Variants in LPA observed in about 807,000 individuals in gnomAD.
LPA encodes lipoprotein(a), also known as apolipoprotein(a).
In LPA, 199 loss-of-function variants were observed where a neutral mutation model predicts 197.9. That is an observed-to-expected ratio of 1.01 (90% confidence interval 0.90 to 1.13). LPA has a LOEUF of 1.13. Ranked by LOEUF, LPA falls within the 50% of genes most tolerant of loss-of-function variation. The probability of loss-of-function intolerance (pLI) is 0.00; values close to 1 mark genes in which losing one functional copy is unlikely to be tolerated. For synonymous variants in LPA, 715 were observed against 639.5 expected, an observed-to-expected ratio of 1.12 and a Z score of -1.78; for missense variants, 1,853 against 1,785.8, an observed-to-expected ratio of 1.04 and a Z score of -0.68.
At chr6:160,661,461 T>C (rs114573027) in intron 1 of LPA, among the ~76,000 whole-genome samples, 1 of 152,122 alleles carries the variant, frequency 6.6e-6, no homozygotes, top group African/African-American at 2.4e-5. Context: ...GAAAGGCAGA[T>C]GAACAGATTC....
At chr6:160,534,103 A>G (rs1034562737) in intron 37 of LPA, among the ~76,000 whole-genome samples, 2 of 143,566 alleles carry the variant, frequency 1.4e-5, no homozygotes, top group Non-Finnish European at 2.9e-5. Context: ...GAAAACTGAC[A>G]CCGAATCTGG....
At chr6:160,596,556 G>A (rs1453871396) in intron 20 of LPA, among the ~76,000 whole-genome samples, 2 of 152,012 alleles carry the variant, frequency 1.3e-5, no homozygotes, top group Non-Finnish European at 2.9e-5. Context: ...AACACACAAA[G>A]TCAACAATTG....
At position 160,656,555 on chromosome 6, in the gene LPA, G is replaced by A. The variant is rs114660152; in HGVS notation, c.50-6058C>T. ...ACCACAATAACGTTTTGGGTACCCT[G>A]GAATCAACGTCAGCTCAGAGCCAGT... On this transcript the variant is annotated intron_variant, in intron 1 of 38. Transcript: ENST00000316300. Among the ~76,000 whole-genome samples, 1,291 of 152,278 alleles carry A rather than the reference G, an allele frequency of 8.5e-3. 17 individuals are homozygous for A. Among genetic ancestry groups the A allele is most frequent in the African/African-American group, 0.03 (1,243 of 41,558 alleles).
At chr6:160,604,556 G>A (rs1287349554) in intron 18 of LPA, among the ~76,000 whole-genome samples, 1 of 151,950 alleles carries the variant, frequency 6.6e-6, no homozygotes, top group African/African-American at 2.4e-5. Context: ...GACCACTGGT[G>A]GTCAGAACCG....
chr6:160,597,988 G>T (rs542494593), intron 20 of LPA, among the ~76,000 whole-genome samples: 111 of 152,298 alleles, frequency 7.3e-4, no homozygotes, highest in South Asian at 8.3e-4. Context: ...TTGCTTTTCA[G>T]CTTTGCTAGG....
rs188718546 is a variant in LPA, at chr6:160,608,688, G to A, written c.2604-2030C>T. Among the ~76,000 whole-genome samples the A allele has an allele frequency of 7.2e-5, 11 of 152,056 alleles. No homozygotes were observed. In the East Asian group the frequency reaches 1.7e-3, roughly 24 times the overall value. ...AAAGTTTTCGGCCATCCTTGATTCCGGTATTTGTTTCTGTTTCCAATCTCC... is the reference window on the plus strand; with the variant it reads ...AAAGTTTTCGGCCATCCTTGATTCCAGTATTTGTTTCTGTTTCCAATCTCC... On this transcript the variant is annotated intron_variant, in intron 16 of 38. Coordinates refer to ENST00000316300, the MANE Select transcript of LPA (RefSeq NM_005577.4).
chr6:160,647,705 G>T (rs923826296), intron 2 of LPA, among the ~76,000 whole-genome samples: 3 of 152,146 alleles, frequency 2.0e-5, no homozygotes, highest in Non-Finnish European at 4.4e-5. Flanking sequence ...ATACTATCGT[G>T]CATGAGGTAA....
At chr6:160,595,234 C>G (rs1276490477) in intron 21 of LPA, 120 bp downstream of exon 21, 17 of 1,290,678 alleles carry the variant, frequency 1.3e-5, no homozygotes, top group Non-Finnish European at 1.8e-5. Context: ...AGTGGCTGAC[C>G]CTGAGTCCAC....
intron 28 of LPA, among the ~76,000 whole-genome samples, chr6:160,576,320 A>ATGTGTGTG (rs530223802): frequency 1.4e-4 from 8 of 59,090 alleles, no homozygotes; most frequent in African/African-American, 5.2e-4. Flanking sequence ...ACCTGTATGT[A>ATGTGTGTG]TGTGTGTGTG....
intron 1 of LPA, among the ~76,000 whole-genome samples, chr6:160,663,006 C>G (rs537469575): frequency 5.2e-4 from 79 of 152,326 alleles, no homozygotes; most frequent in African/African-American, 1.9e-3. Context: ...AAGGCACCAG[C>G]AGGCAACTGC....
intron 16 of LPA, among the ~76,000 whole-genome samples, chr6:160,610,450 A>G (rs1311828548): frequency 6.6e-6 from 1 of 152,128 alleles, no homozygotes; most frequent in Non-Finnish European, 1.5e-5. Flanking sequence ...TCTCTCATCT[A>G]GCTGGTAAGA....
At chr6:160,656,534 C>T (rs1780136104) in intron 1 of LPA, among the ~76,000 whole-genome samples, 1 of 152,206 alleles carries the variant, frequency 6.6e-6, no homozygotes, top group Non-Finnish European at 1.5e-5. Context: ...TGGGGAACCA[C>T]AATAACGTTT....
chr6:160,597,135 A>T (rs1779148700), intron 20 of LPA, among the ~76,000 whole-genome samples: 1 of 152,160 alleles, frequency 6.6e-6, no homozygotes, highest in Non-Finnish European at 1.5e-5. Flanking sequence ...GCACACTTTA[A>T]TGTGTACTCG....
rs138965003 is a variant in LPA, at chr6:160,561,894, C to T, written c.4632-4323G>A. Among the ~76,000 whole-genome samples, 193 of 152,264 alleles carry T rather than the reference C, an allele frequency of 1.3e-3. 1 individual carries two copies. Among genetic ancestry groups the T allele is most frequent in the African/African-American group, 3.9e-3 (160 of 41,552 alleles). ...TGTCTCTTATTGGTGTATAGGAATG[C>T]TTGTGATTTTTGCACATTGATTTTG... On this transcript the variant is annotated intron_variant, in intron 28 of 38. Coordinates refer to ENST00000316300, the MANE Select transcript of LPA (RefSeq NM_005577.4).
chr6:160,648,649 T>C (rs1779949098), intron 2 of LPA, among the ~76,000 whole-genome samples: 1 of 152,138 alleles, frequency 6.6e-6, no homozygotes, highest in African/African-American at 2.4e-5. Context: ...GTAGGTTCTA[T>C]GCAATTATTT....
chr6:160,545,915 T>C (rs576015883), intron 32 of LPA, among the ~76,000 whole-genome samples: 2 of 152,312 alleles, frequency 1.3e-5, no homozygotes, highest in African/African-American at 4.8e-5. Flanking sequence ...CTGTTTGCTG[T>C]TGATTCAGAA....
At chr6:160,609,577 T>C (rs2115065027) in intron 16 of LPA, among the ~76,000 whole-genome samples, 1 of 152,252 alleles carries the variant, frequency 6.6e-6, no homozygotes, top group South Asian at 2.1e-4. Context: ...ATCTGTGATT[T>C]TTCTAACGTT....
intron 1 of LPA, among the ~76,000 whole-genome samples, chr6:160,663,435 A>G (rs528682846): frequency 6.6e-6 from 1 of 152,312 alleles, no homozygotes; most frequent in Non-Finnish European, 1.5e-5. Context: ...TGTTTATAAA[A>G]TGGGGATGAC....
rs984753937 is a variant in LPA, at chr6:160,555,944, C to T, written c.4973+81G>A. ...TGGGTCTAAGGGAAATTTGTCCTAACAAGTTAGCTTGAAGCAAGGCTCTTC... is the reference window on the plus strand; with the variant it reads ...TGGGTCTAAGGGAAATTTGTCCTAATAAGTTAGCTTGAAGCAAGGCTCTTC... On this transcript the variant is annotated intron_variant, in intron 30 of 38. Coordinates refer to ENST00000316300, the MANE Select transcript of LPA (RefSeq NM_005577.4). 4 of 1,203,224 alleles carry T rather than the reference C, an allele frequency of 3.3e-6. No homozygotes were observed. In the African/African-American group the frequency reaches 6.0e-5, roughly 18 times the overall value. The allele number at this position is 1,203,224 out of a possible 1,614,324, so 74.5% of individuals were successfully genotyped here.
Sources: allele counts gnomAD v4.1 joint callset (sites outside exome capture counted in the v4.1 genomes callset), GRCh38; gene constraint gnomAD v4.1.1; transcripts MANE v1.5; gene names NCBI Gene and HGNC (gene_info 2026-07-23, HGNC 2026-07-21).